The following HEMK2 variants were observed in gnomAD, a reference collection of about 807,000 sequenced individuals.
HEMK2 encodes the protein methyltransferase HEMK2.
chr21:28,821,913 G>A, the HEMK2 span, among the ~76,000 whole-genome samples: 1 of 152,252 alleles, frequency 6.6e-6, no homozygotes, highest in African/African-American at 2.4e-5. Context: ...ACTAGTTCTG[G>A]TTATTTTCAC....
the HEMK2 span, among the ~76,000 whole-genome samples, chr21:28,854,993 A>G: frequency 3.9e-5 from 6 of 152,244 alleles, no homozygotes; most frequent in African/African-American, 1.2e-4. Context: ...ACATTATGAC[A>G]GCAACAAATT....
chr21:28,583,696 G>A, the HEMK2 span, among the ~76,000 whole-genome samples: 3 of 152,128 alleles, frequency 2.0e-5, no homozygotes, highest in South Asian at 2.1e-4. Flanking sequence ...AGACAGGTGT[G>A]TTTAGCACCA....
At chr21:28,846,051 A>G in the HEMK2 span, among the ~76,000 whole-genome samples, 1 of 152,074 alleles carries the variant, frequency 6.6e-6, no homozygotes, top group Non-Finnish European at 1.5e-5. Context: ...TGTGGTATTT[A>G]GTTTTCTGTC....
At chr21:28,724,129 T>C in the HEMK2 span, among the ~76,000 whole-genome samples, 48 of 152,338 alleles carry the variant, frequency 3.2e-4, 1 homozygote, top group South Asian at 8.3e-4. Flanking sequence ...GCCCTTGGAC[T>C]CTGTTTGCTA....
At chr21:28,683,956 T>G in the HEMK2 span, among the ~76,000 whole-genome samples, 1 of 152,202 alleles carries the variant, frequency 6.6e-6, no homozygotes, top group African/African-American at 2.4e-5. Context: ...GGAGAATATG[T>G]TGACATTTAT....
At chr21:28,686,220 TTTG>T in the HEMK2 span, among the ~76,000 whole-genome samples, 2 of 152,012 alleles carry the variant, frequency 1.3e-5, no homozygotes, top group South Asian at 2.1e-4. Context: ...TTTTTTTGTT[TTTG>T]TTGTTGTTGT....
At chr21:28,584,562 A>T in the HEMK2 span, among the ~76,000 whole-genome samples, 1 of 152,344 alleles carries the variant, frequency 6.6e-6, no homozygotes, top group South Asian at 2.1e-4. Context: ...AGAAAAGCAT[A>T]TAAGAAAGTA....
chr21:28,849,110 C>T, the HEMK2 span, among the ~76,000 whole-genome samples: 2 of 152,150 alleles, frequency 1.3e-5, no homozygotes, highest in Non-Finnish European at 2.9e-5. Flanking sequence ...AGTGTTGTGG[C>T]CAGTGGACTG....
chr21:28,624,332 A>G, the HEMK2 span, among the ~76,000 whole-genome samples: 1 of 152,222 alleles, frequency 6.6e-6, no homozygotes, highest in Non-Finnish European at 1.5e-5. Context: ...GAGAAGTCCC[A>G]TCATCCTATC....
the HEMK2 span, among the ~76,000 whole-genome samples, chr21:28,690,673 G>A: frequency 1.3e-5 from 2 of 152,144 alleles, no homozygotes; most frequent in Non-Finnish European, 2.9e-5. Flanking sequence ...TCTCCACAAA[G>A]AAACCACTCT....
chr21:28,629,681 C>A, the HEMK2 span, among the ~76,000 whole-genome samples: 2 of 152,322 alleles, frequency 1.3e-5, no homozygotes, highest in Middle Eastern at 3.4e-3. Flanking sequence ...CCAGGAATAA[C>A]TGTAGCTGCC....
At chr21:28,681,505 C>A in the HEMK2 span, among the ~76,000 whole-genome samples, 1 of 152,000 alleles carries the variant, frequency 6.6e-6, no homozygotes, top group Non-Finnish European at 1.5e-5. Context: ...CAATGCCATC[C>A]CCATCAAGCT....
the HEMK2 span, among the ~76,000 whole-genome samples, chr21:28,832,278 G>A: frequency 5.9e-5 from 9 of 152,174 alleles, no homozygotes; most frequent in African/African-American, 2.2e-4. Flanking sequence ...TTCAGGATGT[G>A]GTTTTAGCCA....
the HEMK2 span, among the ~76,000 whole-genome samples, chr21:28,665,340 T>TTC: frequency 3.1e-5 from 3 of 96,098 alleles, no homozygotes; most frequent in African/African-American, 1.5e-4. Context: ...ATTTCTTTTT[T>TTC]TTTTTTTTTT....
chr21:28,713,352 T>A, the HEMK2 span, among the ~76,000 whole-genome samples: 812 of 152,156 alleles, frequency 5.3e-3, 3 homozygotes, highest in Non-Finnish European at 9.2e-3. Context: ...AGCTCATGTC[T>A]CTCCCCAGCT....
the HEMK2 span, chr21:28,873,784 G>T: frequency 3.3e-5 from 5 of 152,156 alleles, no homozygotes; most frequent in Admixed American, 3.3e-4. Context: ...AATGGCTGAG[G>T]AGCAGTCTTA....
the HEMK2 span, among the ~76,000 whole-genome samples, chr21:28,598,443 G>A: frequency 6.8e-4 from 104 of 152,262 alleles, no homozygotes; most frequent in African/African-American, 2.4e-3. Context: ...ATTCAAATGA[G>A]CTTATCTGGT....
chr21:28,621,919 AC>A, the HEMK2 span, among the ~76,000 whole-genome samples: 6 of 152,094 alleles, frequency 3.9e-5, no homozygotes, highest in Admixed American at 2.6e-4. Context: ...TGATCCCTTT[AC>A]CATTATGTAA....
At chr21:28,604,587 C>T in the HEMK2 span, among the ~76,000 whole-genome samples, 1 of 151,658 alleles carries the variant, frequency 6.6e-6, no homozygotes, top group Admixed American at 6.6e-5. Flanking sequence ...CCACATTGAC[C>T]AGTAAATGAC....
Sources: gnomAD v4.1 joint callset for allele counts (sites outside exome capture counted in the v4.1 genomes callset) on GRCh38, gnomAD v4.1.1 for gene constraint, MANE v1.5 for transcripts, NCBI Gene and HGNC (gene_info 2026-07-23, HGNC 2026-07-21) for gene names.